Variants in ASTN2 observed in about 807,000 individuals in gnomAD.
ASTN2 encodes the protein astrotactin 2, also known as astrotactin-2.
In ASTN2, 54 loss-of-function variants were observed where a neutral mutation model predicts 139.8. The ratio of observed to expected loss-of-function variants is 0.39; its 90% confidence interval spans 0.31 to 0.48. The LOEUF (loss-of-function observed/expected upper bound fraction) is 0.48. Ranked by LOEUF, ASTN2 falls within the 20% of genes least tolerant of loss-of-function variation. The probability of loss-of-function intolerance (pLI) is 0.95; values close to 1 mark genes in which losing one functional copy is unlikely to be tolerated. For synonymous variants in ASTN2, 756 were observed against 719.5 expected (o/e 1.05, Z -0.81); for missense variants, 1,565 against 1,725.1 (o/e 0.91, Z 1.64).
At chr9:116,510,880 T>A (rs1032974843) in intron 19 of ASTN2, among the ~76,000 whole-genome samples, 1 of 152,190 alleles carries the variant, frequency 6.6e-6, no homozygotes. Flanking sequence ...TGAAGTTGCT[T>A]ATCAGCTTAA....
intron 4 of ASTN2, among the ~76,000 whole-genome samples, chr9:117,137,795 A>G (rs551221724): frequency 1.2e-4 from 19 of 152,236 alleles, no homozygotes; most frequent in Middle Eastern, 3.4e-3. Flanking sequence ...TAGGGCTGAC[A>G]TATACTGTCC....
At chr9:116,517,460 C>A (rs1191586661) in intron 19 of ASTN2, among the ~76,000 whole-genome samples, 1 of 152,196 alleles carries the variant, frequency 6.6e-6, no homozygotes. Context: ...AGGGGGAGAA[C>A]ACCACATTAA....
At chr9:116,772,192 T>C (rs2132187124) in intron 13 of ASTN2, among the ~76,000 whole-genome samples, 1 of 152,282 alleles carries the variant, frequency 6.6e-6, no homozygotes, top group Non-Finnish European at 1.5e-5. Context: ...CCCACCCAAA[T>C]CTCATCTTGA....
chr9:116,928,106 C>G (rs1259855019), intron 10 of ASTN2, among the ~76,000 whole-genome samples: 2 of 152,192 alleles, frequency 1.3e-5, no homozygotes, highest in African/African-American at 2.4e-5. Flanking sequence ...CCTCCCTCTT[C>G]CAAATTATGT....
chr9:116,830,747 G>A (rs548647456), intron 11 of ASTN2, among the ~76,000 whole-genome samples: 22 of 147,406 alleles, frequency 1.5e-4, no homozygotes, highest in Non-Finnish European at 2.4e-4. Context: ...AGCCAAGATC[G>A]CGCCACTGCA....
intron 12 of ASTN2, among the ~76,000 whole-genome samples, chr9:116,820,062 G>A (rs1184002447): frequency 6.6e-6 from 1 of 152,214 alleles, no homozygotes; most frequent in Non-Finnish European, 1.5e-5. Context: ...TCAAGAGCCA[G>A]AGCTGTCCTA....
chr9:116,683,364 TTAA>T (rs1860005955), intron 16 of ASTN2, among the ~76,000 whole-genome samples: 2 of 152,308 alleles, frequency 1.3e-5, no homozygotes, highest in South Asian at 2.1e-4. Flanking sequence ...GAGTACATTA[TTAA>T]TAATTATAAT....
At chr9:116,978,482 C>T (rs912158824) in intron 7 of ASTN2, among the ~76,000 whole-genome samples, 1 of 140,292 alleles carries the variant, frequency 7.1e-6, no homozygotes, top group African/African-American at 2.9e-5. Flanking sequence ...CTCTCTCTCT[C>T]TCTCTCTCTC....
chr9:116,896,401 ATC>A (rs1055997055), intron 10 of ASTN2, among the ~76,000 whole-genome samples: 1 of 152,016 alleles, frequency 6.6e-6, no homozygotes. Context: ...CAATGGCATT[ATC>A]TTGGCCTACT....
chr9:116,716,953 A>G (rs1828328161), intron 16 of ASTN2, among the ~76,000 whole-genome samples: 1 of 152,230 alleles, frequency 6.6e-6, no homozygotes, highest in African/African-American at 2.4e-5. Context: ...ACCAACATCT[A>G]AAGAGTTCTC....
intron 10 of ASTN2, among the ~76,000 whole-genome samples, chr9:116,934,186 C>T (rs1835000434): frequency 6.6e-6 from 1 of 151,908 alleles, no homozygotes; most frequent in Non-Finnish European, 1.5e-5. Context: ...AAATGAGAAG[C>T]TACTGCTCCA....
intron 6 of ASTN2, among the ~76,000 whole-genome samples, chr9:117,030,614 AG>A (rs1280851788): frequency 6.6e-6 from 1 of 152,186 alleles, no homozygotes; most frequent in Non-Finnish European, 1.5e-5. Context: ...TCAGCTGCTT[AG>A]AATGGTTTTT....
chr9:117,301,663 A>G (rs1251442857), intron 1 of ASTN2, among the ~76,000 whole-genome samples: 1 of 152,180 alleles, frequency 6.6e-6, no homozygotes, highest in African/African-American at 2.4e-5. Context: ...TATGATAAGT[A>G]CCAGGGCAGT....
At chr9:116,712,819 A>G (rs1046609080) in intron 16 of ASTN2, among the ~76,000 whole-genome samples, 1 of 152,218 alleles carries the variant, frequency 6.6e-6, no homozygotes, top group Non-Finnish European at 1.5e-5. Context: ...GTTATATGAA[A>G]TATATCTCAA....
intron 11 of ASTN2, among the ~76,000 whole-genome samples, chr9:116,833,238 G>A (rs1831872759): frequency 6.6e-6 from 1 of 152,184 alleles, no homozygotes; most frequent in South Asian, 2.1e-4. Context: ...TTTACACAAG[G>A]TCTGTGGTGA....
At chr9:116,906,805 A>C (rs1030226374) in intron 10 of ASTN2, among the ~76,000 whole-genome samples, 3 of 152,128 alleles carry the variant, frequency 2.0e-5, no homozygotes, top group African/African-American at 7.2e-5. Context: ...ACTTGAGGTA[A>C]TTCAACCAGC....
At chr9:117,053,996 C>T (rs113584149) in intron 5 of ASTN2, among the ~76,000 whole-genome samples, 58 of 151,126 alleles carry the variant, frequency 3.8e-4, no homozygotes, top group African/African-American at 1.3e-3. Context: ...AATAGCTTTG[C>T]CTTTAGTGGG....
At chr9:117,413,820 G>C (rs547812401) in intron 1 of ASTN2, among the ~76,000 whole-genome samples, 32 of 152,174 alleles carry the variant, frequency 2.1e-4, no homozygotes, top group African/African-American at 7.5e-4. Context: ...AGGCGGTAAC[G>C]GGGGTAGAGG....
At chr9:116,571,112 G>A (rs955386988) in intron 19 of ASTN2, among the ~76,000 whole-genome samples, 1 of 152,160 alleles carries the variant, frequency 6.6e-6, no homozygotes, top group African/African-American at 2.4e-5. Flanking sequence ...AATGGAAGCT[G>A]CAAGGACTCA....
Sources: allele counts gnomAD v4.1 joint callset (sites outside exome capture counted in the v4.1 genomes callset), GRCh38; gene constraint gnomAD v4.1.1; transcripts MANE v1.5; gene names NCBI Gene and HGNC (gene_info 2026-07-23, HGNC 2026-07-21).